Variants in MYO3A observed in about 807,000 individuals in gnomAD.
MYO3A encodes myosin IIIA, also known as myosin-IIIa.
A neutral mutation model predicts 192.7 loss-of-function variants in MYO3A; 180 were observed. The ratio of observed to expected loss-of-function variants is 0.93; its 90% CI spans 0.83 to 1.06. The LOEUF is 1.06. Among genes scored for constraint, MYO3A ranks in the 50% least tolerant of loss-of-function variants. The pLI is 0.00. For synonymous variants in MYO3A, 628 were observed against 645.3 expected, an observed-to-expected ratio of 0.97 and a Z score of 0.41; for missense variants, 1,896 against 1,905.0, an observed-to-expected ratio of 1.00 and a Z score of 0.09.
chr10:26,190,378 T>C (rs1469775614), intron 31 of MYO3A, among the ~76,000 whole-genome samples: 2 of 152,164 alleles, frequency 1.3e-5, no homozygotes, highest in Non-Finnish European at 2.9e-5. Flanking sequence ...GTGTACAGAA[T>C]GTTAGATGGA....
chr10:26,024,500 C>T (rs72789949), intron 9 of MYO3A, among the ~76,000 whole-genome samples: 24,666 of 152,040 alleles, frequency 0.16, 2,294 homozygotes, highest in Non-Finnish European at 0.21. Context: ...TGGATTTGAT[C>T]CTGTCATCAT....
rs763915258 is a variant in MYO3A at position 26,143,518 on chromosome 10, T to C, written c.2333T>C (p.Met778Thr). The C allele has an allele frequency of 1.9e-6, 3 of 1,613,882 alleles. No individual in the cohort carries two copies. The highest frequency in any genetic ancestry group is 2.2e-5 in the South Asian group (2 of 91,068). ...GAGGATAACTGGCCCCTCTTAGATATGTTTCTGCAAAAGCCAATGGGTTTA... is the reference window on the plus strand; with the variant it reads ...GAGGATAACTGGCCCCTCTTAGATACGTTTCTGCAAAAGCCAATGGGTTTA... ...EYEDNWPLLD[M>T]FLQKPMGLLS... is the part of the protein sequence containing the mutation. The change falls in exon 21 of 35, where the codon ATG becomes ACG. Residue 778 changes from methionine (M) to threonine (T), a missense_variant. Transcript: ENST00000642920.
chr10:26,157,505 T>G lies in MYO3A; in HGVS notation c.2989T>G (p.Phe997Val), dbSNP rs370500555. The change falls in exon 26 of 35, where the codon TTT (phenylalanine) becomes GTT (valine). Residue 997 changes from phenylalanine to valine, a missense_variant. Phe to Val is a conservative substitution (Grantham distance 50). Transcript: ENST00000642920. Reference sequence around the variant, plus strand: ...CTCCCATCGGATACTTTTTGCTAACTTTATAAAGCGGTATGTGGATTTCTT... The same window carrying G: ...CTCCCATCGGATACTTTTTGCTAACGTTATAAAGCGGTATGTGGATTTCTT... ...GFSHRILFAN[F>V]IKRYYLLCYK... 37 of 1,613,670 alleles carry G rather than the reference T, an allele frequency of 2.3e-5. No homozygotes were observed. Among genetic ancestry groups the G allele is most frequent in the Non-Finnish European group, 3.1e-5 (36 of 1,179,676 alleles).
chr10:26,148,949 C>A (rs1211508055), intron 23 of MYO3A, among the ~76,000 whole-genome samples: 1 of 151,942 alleles, frequency 6.6e-6, no homozygotes, highest in African/African-American at 2.4e-5. Flanking sequence ...TGTTCTTTTC[C>A]AATATGTTTC....
chr10:25,978,037 C>T (rs572807005), intron 4 of MYO3A, among the ~76,000 whole-genome samples: 2 of 151,730 alleles, frequency 1.3e-5, no homozygotes, highest in East Asian at 1.9e-4. Flanking sequence ...GTATAGCAAA[C>T]GATGTAGTAG....
intron 4 of MYO3A, among the ~76,000 whole-genome samples, chr10:25,968,955 A>C (rs12254559): frequency 0.096 from 14,620 of 152,300 alleles, 1,253 homozygotes; most frequent in African/African-American, 0.22. Context: ...AATAATGGCC[A>C]CAGGCCAGGC....
At chr10:26,094,493 C>T (rs569215979) in intron 15 of MYO3A, among the ~76,000 whole-genome samples, 37 of 123,902 alleles carry the variant, frequency 3.0e-4, no homozygotes, top group Admixed American at 1.9e-3. Flanking sequence ...GGCACGATTT[C>T]GGCTCATTGC....
intron 23 of MYO3A, among the ~76,000 whole-genome samples, chr10:26,152,813 G>C (rs1840875634): frequency 6.6e-6 from 1 of 152,160 alleles, no homozygotes; most frequent in Non-Finnish European, 1.5e-5. Flanking sequence ...CATGGAAACT[G>C]TGGCACACAC....
chr10:26,043,968 G>A (rs1022102958), intron 10 of MYO3A, among the ~76,000 whole-genome samples: 1 of 152,190 alleles, frequency 6.6e-6, no homozygotes, highest in Non-Finnish European at 1.5e-5. Context: ...AAGGCCCATG[G>A]TGTACTATCT....
At chr10:26,071,591 A>T (rs948283849) in intron 14 of MYO3A, among the ~76,000 whole-genome samples, 9 of 152,220 alleles carry the variant, frequency 5.9e-5, no homozygotes, top group African/African-American at 1.9e-4. Context: ...TGAAAACACA[A>T]CCCACAGACT....
chr10:26,058,503 G>A (rs1052653871), intron 10 of MYO3A, among the ~76,000 whole-genome samples: 1 of 152,178 alleles, frequency 6.6e-6, no homozygotes, highest in Admixed American at 6.5e-5. Flanking sequence ...AAGCACAGTA[G>A]CTGAATTGTA....
intron 14 of MYO3A, 35 bp from the exon 15 acceptor site, chr10:26,088,166 TTA>T: frequency 2.0e-6 from 3 of 1,472,874 alleles, no homozygotes; most frequent in East Asian, 2.5e-5. Flanking sequence ...AATTAATTTT[TTA>T]TGTTTTTAAA....
chr10:26,153,761 T>A, intron 23 of MYO3A, 89 bp from the exon 24 acceptor site: 2 of 854,972 alleles, frequency 2.3e-6, no homozygotes, highest in Non-Finnish European at 2.0e-6. Context: ...GGATTAACAA[T>A]GCTTATTTTA....
intron 4 of MYO3A, among the ~76,000 whole-genome samples, chr10:25,969,794 C>A (rs563346074): frequency 6.6e-6 from 1 of 151,922 alleles, no homozygotes; most frequent in South Asian, 2.1e-4. Flanking sequence ...GATTGTAATA[C>A]CCAACTACAA....
chr10:25,975,147 A>C (rs1420969060), intron 4 of MYO3A, among the ~76,000 whole-genome samples: 1 of 152,148 alleles, frequency 6.6e-6, no homozygotes, highest in Non-Finnish European at 1.5e-5. Flanking sequence ...TGTAATATGC[A>C]TTCTGTGTTT....
chr10:26,190,055 T>C (rs1413449720), intron 31 of MYO3A, among the ~76,000 whole-genome samples: 1 of 151,700 alleles, frequency 6.6e-6, no homozygotes, highest in Non-Finnish European at 1.5e-5. Flanking sequence ...AGAGCAAGAC[T>C]CCATCTCAAA....
At chr10:26,177,925 T>C (rs546844898) in intron 31 of MYO3A, among the ~76,000 whole-genome samples, 1 of 152,366 alleles carries the variant, frequency 6.6e-6, no homozygotes, top group Admixed American at 6.5e-5. Context: ...TTCTGCCACA[T>C]CGTTTTCAAG....
At chr10:26,192,273 C>T (rs138933747) in intron 31 of MYO3A, among the ~76,000 whole-genome samples, 243 of 152,268 alleles carry the variant, frequency 1.6e-3, no homozygotes, top group African/African-American at 5.7e-3. Flanking sequence ...CTCTTGGTCA[C>T]TCTTTTAATG....
chr10:26,093,029 TC>T (rs1836790693), intron 15 of MYO3A, among the ~76,000 whole-genome samples: 3 of 152,216 alleles, frequency 2.0e-5, no homozygotes, highest in African/African-American at 7.2e-5. Flanking sequence ...TGAAGAGAAA[TC>T]CATTAATATT....
Sources: allele counts gnomAD v4.1 joint callset (sites outside exome capture counted in the v4.1 genomes callset), GRCh38; gene constraint gnomAD v4.1.1; transcripts MANE v1.5; gene names NCBI Gene and HGNC (gene_info 2026-07-23, HGNC 2026-07-21).